The following BYSL variants were observed in gnomAD, a reference collection of about 807,000 sequenced individuals.
The protein encoded by BYSL is bystin.
BYSL carries 21 observed loss-of-function variants against 45.4 expected under a neutral mutation model. That is an observed-to-expected ratio of 0.46 (90% CI 0.33 to 0.67). The LOEUF (loss-of-function observed/expected upper bound fraction) is 0.67, where lower values mean the gene tolerates loss of function less well. Among genes scored for constraint, BYSL ranks in the 30% least tolerant of loss-of-function variants. The pLI, the probability that BYSL is intolerant of heterozygous loss-of-function variation, is 0.02. For missense variants in BYSL, 522 were observed against 578.5 expected (o/e 0.90, Z 1.00); for synonymous variants, 215 against 231.3 (o/e 0.93, Z 0.64).
chr6:41,929,602 A>AT (rs1220385334), intron 2 of BYSL, among the ~76,000 whole-genome samples: 1 of 152,252 alleles, frequency 6.6e-6, no homozygotes, highest in African/African-American at 2.4e-5. Flanking sequence ...ATTATGTTTG[A>AT]TACACCCAAC....
rs903734272 is a variant in BYSL at position 41,932,593 on chromosome 6, C to G, written c.1201C>G (p.Leu401Val). The change falls in exon 7 of 7, where the codon CTC becomes GTC. Residue 401 changes from leucine (L) to valine (V), a missense_variant. Transcript: ENST00000230340. This position sits in a 1 kb window ranked among gnomAD's most constrained non-coding sequence, Gnocchi z 4.7. ...CTTGGCCACAGACCAGAAAGAGGCC[C>G]TCTTAGAACTGCTCCGGCTGCAGCC... ...ADLATDQKEA[L>V]LELLRLQPHP... The G allele has an allele frequency of 1.2e-6, 2 of 1,614,194 alleles. No individual in the cohort carries two copies. The highest frequency in any genetic ancestry group is 2.2e-5 in the South Asian group (2 of 91,088).
rs1431620102 is a variant in BYSL, at chr6:41,932,735, G to A, written c.*29G>A. The A allele has an allele frequency of 6.4e-7, 1 of 1,572,726 alleles. No homozygotes were observed. Among genetic ancestry groups the A allele is most frequent in the Non-Finnish European group, 8.6e-7 (1 of 1,156,464 alleles). On this transcript the variant is annotated 3_prime_UTR_variant, in exon 7 of 7. Transcript: ENST00000230340. This position sits in a 1 kb window ranked among gnomAD's most constrained non-coding sequence, Gnocchi z 4.7. ...AAACAGTCAGCTGTCCTGGCCAAAG[G>A]GGTTTGGAAGGACACCAAGACCCCC... is the stretch of plus-strand genomic sequence containing the variant.
At chr6:41,914,880 T>C in the BYSL span, among the ~76,000 whole-genome samples, 1 of 152,138 alleles carries the variant, frequency 6.6e-6, no homozygotes, top group Non-Finnish European at 1.5e-5. Context: ...AAACACAAAC[T>C]TCTAGAAACC....
chr6:41,914,296 G>T, the BYSL span, among the ~76,000 whole-genome samples: 1 of 152,218 alleles, frequency 6.6e-6, no homozygotes, highest in South Asian at 2.1e-4. Flanking sequence ...AGAGGGAGAG[G>T]AACACTGTGG....
At chr6:41,909,687 AAAGGTAGGG>A in the BYSL span, among the ~76,000 whole-genome samples, 1 of 152,016 alleles carries the variant, frequency 6.6e-6, no homozygotes, top group Non-Finnish European at 1.5e-5. Flanking sequence ...CCTTTTCTAG[AAAGGTAGGG>A]GGAAATAGCA....
chr6:41,925,488 C>T (rs974843537), intron 1 of BYSL, among the ~76,000 whole-genome samples: 4 of 151,528 alleles, frequency 2.6e-5, no homozygotes, highest in Non-Finnish European at 5.9e-5. Context: ...CTCAGCCTCC[C>T]GAGTAGCTGG....
In BYSL at chr6:41,931,765, C is replaced by A. The variant is rs775314784; in HGVS notation, c.903C>A (p.Thr301=). 4 of 1,613,996 alleles carry A rather than the reference C, an allele frequency of 2.5e-6. No individual in the cohort carries two copies. The highest frequency in any genetic ancestry group is 1.7e-5 in the Admixed American group (1 of 59,988). The change falls in exon 6 of 7, where the codon ACC becomes ACA. Residue 301 remains threonine (T), a synonymous_variant. Transcript: ENST00000230340. ...CACTGTGCGAGTCTGGCACTTGTAC[C>A]CTCCGGGAAGCCATCATTGTGGGTA... The part of the protein sequence containing the change: ...LIPLCESGTC[T]LREAIIVGSI...
In BYSL at chr6:41,932,539, C is replaced by T. The variant is rs768000616; in HGVS notation, c.1147C>T (p.Leu383=). The change falls in exon 7 of 7, where the codon CTG becomes TTG. Residue 383 remains leucine, a synonymous_variant. Transcript: ENST00000230340. This position sits in a 1 kb window ranked among gnomAD's most constrained non-coding sequence, Gnocchi z 4.7. ...ELPVLWHQCL[L]TLVQRYKADL... ...GCCTGTGCTGTGGCACCAGTGCCTC[C>T]TGACTTTGGTCCAGCGCTACAAGGC... is the stretch of plus-strand genomic sequence containing the variant. 1 of 1,614,224 alleles carries T rather than the reference C, an allele frequency of 6.2e-7. No individual in the cohort carries two copies. Among genetic ancestry groups the T allele is most frequent in the East Asian group, 2.2e-5 (1 of 44,882 alleles).
chr6:41,930,552 A>G, intron 3 of BYSL, 83 bp from the exon 4 acceptor site: 3 of 1,503,674 alleles, frequency 2.0e-6, no homozygotes, highest in Non-Finnish European at 2.7e-6. Context: ...TTAATATATT[A>G]AAAGCACCCA....
At chr6:41,923,260 G>A (rs1409323498) in intron 1 of BYSL, among the ~76,000 whole-genome samples, 1 of 150,988 alleles carries the variant, frequency 6.6e-6, no homozygotes, top group Non-Finnish European at 1.5e-5. Flanking sequence ...TTCCACCTCA[G>A]CCTCCCACGT....
chr6:41,922,098 A>T lies in BYSL; in HGVS notation c.268+268A>T, dbSNP rs145905708. ...GTATCCATTGGTTTTGTAAATATTT[A>T]TGGGATACCCACTACGAGCTTTGCG... is the stretch of plus-strand genomic sequence containing the variant. On this transcript the variant is annotated intron_variant, in intron 1 of 6. Transcript: ENST00000230340. Among the ~76,000 whole-genome samples the T allele has an allele frequency of 4.3e-3, 649 of 152,250 alleles. 2 individuals are homozygous for T. The highest frequency in any genetic ancestry group is 0.014 in the African/African-American group (595 of 41,552).
At chr6:41,926,838 G>A (rs1020370034) in intron 1 of BYSL, among the ~76,000 whole-genome samples, 2 of 150,752 alleles carry the variant, frequency 1.3e-5, no homozygotes, top group African/African-American at 4.9e-5. Context: ...CTCACGCCCT[G>A]TAATCCCAGC....
chr6:41,930,306 C>T, intron 3 of BYSL, 36 bp downstream of exon 3: 1 of 1,598,370 alleles, frequency 6.3e-7, no homozygotes, highest in South Asian at 1.1e-5. Flanking sequence ...TGGAAGACCC[C>T]TTTGGGGGCT....
chr6:41,916,004 T>C, the BYSL span, among the ~76,000 whole-genome samples: 1 of 152,052 alleles, frequency 6.6e-6, no homozygotes, highest in Non-Finnish European at 1.5e-5. Flanking sequence ...CCCAGTACTT[T>C]GGGAAGCTGA....
chr6:41,921,225 C>T (rs1775459717), upstream of BYSL: 1 of 678,346 alleles, frequency 1.5e-6, no homozygotes, highest in South Asian at 2.0e-5. Flanking sequence ...CTGACATCAT[C>T]TGCGGATTCC....
At chr6:41,915,789 A>AACACACATACACACACACAC in the BYSL span, among the ~76,000 whole-genome samples, 7 of 148,592 alleles carry the variant, frequency 4.7e-5, no homozygotes, top group Non-Finnish European at 7.4e-5. Flanking sequence ...TCCGTCTCAA[A>AACACACATACACACACACAC]ACACACACAC....
chr6:41,922,376 T>A (rs1246227101), intron 1 of BYSL, among the ~76,000 whole-genome samples: 2 of 152,234 alleles, frequency 1.3e-5, no homozygotes, highest in East Asian at 3.8e-4. Flanking sequence ...AAACACATTG[T>A]TTAGCAGCCA....
chr6:41,915,777 A>T, the BYSL span, among the ~76,000 whole-genome samples: 1 of 44,156 alleles, frequency 2.3e-5, no homozygotes, highest in African/African-American at 1.6e-4. Flanking sequence ...ACAGAGCCAG[A>T]CTCCGTCTCA....
At position 41,932,767 on chromosome 6, in the gene BYSL, G is replaced by T; in HGVS notation, c.*61G>T. 6.7e-7 allele frequency: 1 copy of T among 1,499,622 alleles called. No homozygotes were observed. The highest frequency in any genetic ancestry group is 1.3e-5 in the South Asian group (1 of 78,306). 92.9% of individuals were successfully genotyped at this position (1,499,622 alleles called of 1,614,324 possible). ...GAAGGACACCAAGACCCCCGTTGGT[G>T]ACTGAAGATGACACTGAGCTTTAAT... On this transcript the variant is annotated 3_prime_UTR_variant, in exon 7 of 7. Coordinates refer to ENST00000230340, the MANE Select transcript of BYSL (RefSeq NM_004053.4). This position sits in a 1 kb window ranked among gnomAD's most constrained non-coding sequence, Gnocchi z 4.7.
Sources: gnomAD v4.1 joint callset for allele counts (sites outside exome capture counted in the v4.1 genomes callset) on GRCh38, gnomAD v4.1.1 for gene constraint, Gnocchi (gnomAD v3.1) non-coding constraint, MANE v1.5 for transcripts, NCBI Gene and HGNC (gene_info 2026-07-23, HGNC 2026-07-21) for gene names.